The following MMS19 variants were observed in gnomAD, a reference collection of about 807,000 sequenced individuals.
MMS19 encodes the protein MMS19 cytosolic iron-sulfur assembly component.
A neutral mutation model predicts 129.8 loss-of-function variants in MMS19; 77 were observed. The ratio of observed to expected loss-of-function variants is 0.59; its 90% CI spans 0.49 to 0.72. MMS19 has a LOEUF of 0.72. MMS19 is among the 30% of genes least tolerant of loss of function. The pLI is 0.00. For synonymous variants in MMS19, 491 were observed against 502.8 expected, an observed-to-expected ratio of 0.98 and a Z score of 0.31; for missense variants, 1,168 against 1,266.3, an observed-to-expected ratio of 0.92 and a Z score of 1.18.
Position 97,486,862 on chromosome 10 carries a change from CATATATAT to C in MMS19, c.113-2719_113-2712del, listed in dbSNP as rs148575472. Among the ~76,000 whole-genome samples the C allele has an allele frequency of 2.0e-3, 171 of 85,074 alleles. 9 individuals are homozygous for C. Among genetic ancestry groups the C allele is most frequent in the African/African-American group, 3.5e-3 (85 of 24,368 alleles). The allele number at this position is 85,074 out of a possible 152,430, so 55.8% of individuals were successfully genotyped here. ...TAAGCTTATCCTGAAATTAAAGTGC[CATATATAT>C]ATATATATATATATATATATATATA... is the stretch of plus-strand genomic sequence containing the variant. On this transcript the variant is annotated intron_variant, in intron 1 of 30. Transcript: ENST00000438925.
intron 1 of MMS19, among the ~76,000 whole-genome samples, chr10:97,496,789 C>A (rs2039877037): frequency 6.6e-6 from 1 of 152,058 alleles, no homozygotes; most frequent in Non-Finnish European, 1.5e-5. Flanking sequence ...CATTTTACAT[C>A]AAAATAAACC....
Position 97,469,697 on chromosome 10 carries a change from C to T in MMS19, c.873G>A (p.Gln291=). The stretch of plus-strand genomic sequence containing the variant: ...TGGGGAGGAAGTCCTTCAGTTCCTT[C>T]TGTCCATACACAGCACAGCAAGCAT... ...TLNACCAVYG[Q]KELKDFLPSL... Residue 291 remains glutamine (Q), a synonymous_variant, in exon 11 of 31, where the codon CAG becomes CAA. Coordinates refer to ENST00000438925, the MANE Select transcript of MMS19 (RefSeq NM_022362.5). 6.2e-7 allele frequency: 1 copy of T among 1,613,980 alleles called. No homozygotes were observed. Among genetic ancestry groups the T allele is most frequent in the East Asian group, 2.2e-5 (1 of 44,880 alleles).
chr10:97,480,650 C>A (rs897018215), intron 3 of MMS19, among the ~76,000 whole-genome samples: 1 of 152,112 alleles, frequency 6.6e-6, no homozygotes, highest in African/African-American at 2.4e-5. Flanking sequence ...GGCGTGATCT[C>A]GGCTCACTGC....
intron 8 of MMS19, among the ~76,000 whole-genome samples, chr10:97,476,083 C>G (rs1245623099): frequency 6.6e-6 from 1 of 152,202 alleles, no homozygotes; most frequent in African/African-American, 2.4e-5. Context: ...CACACACCCA[C>G]ACGGTGATGA....
chr10:97,478,695 A>G (rs1467300668), intron 3 of MMS19, among the ~76,000 whole-genome samples: 3 of 152,210 alleles, frequency 2.0e-5, no homozygotes, highest in African/African-American at 7.2e-5. Flanking sequence ...GACAGTAAAT[A>G]TAGGCTTACA....
At chr10:97,486,862 CAT>C (rs148575472) in intron 1 of MMS19, among the ~76,000 whole-genome samples, 3,084 of 84,928 alleles carry the variant, frequency 0.036, 171 homozygotes, top group African/African-American at 0.1. Flanking sequence ...ATTAAAGTGC[CAT>C]ATATATATAT....
intron 29 of MMS19, 58 bp downstream of exon 29, chr10:97,459,165 G>T: frequency 6.5e-7 from 1 of 1,543,546 alleles, no homozygotes; most frequent in Non-Finnish European, 8.8e-7. Context: ...AGGCAAAAAG[G>T]TACTTATGTG....
At chr10:97,483,514 C>T (rs1191743018) in intron 2 of MMS19, among the ~76,000 whole-genome samples, 15 of 152,224 alleles carry the variant, frequency 9.9e-5, no homozygotes, top group African/African-American at 4.8e-5. Flanking sequence ...TCACAATTAA[C>T]AACTCTTACT....
chr10:97,488,970 T>A (rs1185244770), intron 1 of MMS19, among the ~76,000 whole-genome samples: 1 of 152,198 alleles, frequency 6.6e-6, no homozygotes, highest in South Asian at 2.1e-4. Context: ...TTTATTTTTA[T>A]TTTTTGAGAC....
At chr10:97,461,254 G>T in intron 23 of MMS19, 1 of 611,002 alleles carries the variant, frequency 1.6e-6, no homozygotes, top group Non-Finnish European at 2.9e-6. Context: ...TAGCCCCACT[G>T]TAGGGAGTAG....
intron 9 of MMS19, 117 bp from the exon 10 acceptor site, chr10:97,470,320 T>C (rs944162093): frequency 1.5e-5 from 11 of 736,402 alleles, no homozygotes; most frequent in Non-Finnish European, 2.6e-5. Context: ...GGAGCTGTAC[T>C]CAAGTCAGGA....
chr10:97,462,501 T>C, intron 20 of MMS19, 82 bp downstream of exon 20: 1 of 982,688 alleles, frequency 1.0e-6, no homozygotes, highest in Non-Finnish European at 1.6e-6. Flanking sequence ...AAAGGACAGC[T>C]GACAAGGCAG....
rs1360580016 is a variant in MMS19, at chr10:97,476,579, G to A, written c.684+104C>T. On this transcript the variant is annotated intron_variant, in intron 8 of 30. Transcript: ENST00000438925. ...ATTAAAATATAAAATAATGAGGGCGGGGATGTCTATTTTGGTGACCTGTAC... is the reference window on the plus strand; with the variant it reads ...ATTAAAATATAAAATAATGAGGGCGAGGATGTCTATTTTGGTGACCTGTAC... The A allele has an allele frequency of 3.9e-5, 35 of 892,698 alleles. 1 individual carries two copies. The Admixed American group carries it at 5.8e-4, about 15-fold the overall frequency. The allele number at this position is 892,698 out of a possible 1,614,324, so 55.3% of individuals were successfully genotyped here.
At chr10:97,463,547 G>C (rs918807073) in intron 19 of MMS19, among the ~76,000 whole-genome samples, 1 of 152,244 alleles carries the variant, frequency 6.6e-6, no homozygotes, top group African/African-American at 2.4e-5. Context: ...AAGTGGTAGA[G>C]TTGAGGATAA....
chr10:97,493,731 C>G (rs1291213104), intron 1 of MMS19, among the ~76,000 whole-genome samples: 1 of 152,066 alleles, frequency 6.6e-6, no homozygotes, highest in African/African-American at 2.4e-5. Flanking sequence ...TAAAAATAAC[C>G]AGGGTTGGCA....
intron 8 of MMS19, among the ~76,000 whole-genome samples, chr10:97,473,469 C>T (rs1015493805): frequency 2.6e-5 from 4 of 151,714 alleles, no homozygotes; most frequent in Admixed American, 2.6e-4. Context: ...AAAGGAAGTA[C>T]ACCATCAAAC....
chr10:97,466,787 C>G lies in MMS19; in HGVS notation c.1412G>C (p.Gly471Ala). ...LVGIRTLTVLGAQPDLLSYED... is the reference protein window; with the variant it reads ...LVGIRTLTVLAAQPDLLSYED... ...CCCTTAAGATGTACCTGGCTGGGCA[C>G]CCAAGACTGTCAGTGTACGGATGCC... Residue 471 changes from glycine (G) to alanine (A), a missense_variant, in exon 15 of 31, where the codon GGT becomes GCT. Around this residue, in one of 3 missense-constraint regions of MMS19, gnomAD observed 831 missense variants for 910.8 expected, o/e 0.91. Coordinates refer to ENST00000438925, the MANE Select transcript of MMS19 (RefSeq NM_022362.5). 1 of 1,613,996 alleles carries G rather than the reference C, an allele frequency of 6.2e-7. No homozygotes were observed. The highest frequency in any genetic ancestry group is 8.5e-7 in the Non-Finnish European group (1 of 1,179,892).
At chr10:97,470,069 C>T in intron 10 of MMS19, 60 bp downstream of exon 10, 1 of 1,144,524 alleles carries the variant, frequency 8.7e-7, no homozygotes, top group Non-Finnish European at 1.3e-6. Flanking sequence ...AATCTATATC[C>T]TTTAGGACCC....
chr10:97,484,658 T>C (rs573398140), intron 1 of MMS19, among the ~76,000 whole-genome samples: 6 of 152,254 alleles, frequency 3.9e-5, no homozygotes, highest in East Asian at 3.9e-4. Context: ...GTGGCTCATG[T>C]CTGTAATCCC....
Sources: gnomAD v4.1 joint callset for allele counts (sites outside exome capture counted in the v4.1 genomes callset) on GRCh38, gnomAD v4.1.1 for gene constraint, gnomAD v4.1.1 regional missense constraint, MANE v1.5 for transcripts, NCBI Gene and HGNC (gene_info 2026-07-23, HGNC 2026-07-21) for gene names.